The following ROBO1 variants were observed in gnomAD, a reference collection of about 807,000 sequenced individuals.
The protein encoded by ROBO1 is roundabout homolog 1.
In ROBO1, 149 loss-of-function variants were observed where a neutral mutation model predicts 195.9. The observed-to-expected ratio is 0.76, with a 90% CI of 0.67 to 0.87. The LOEUF is 0.87. Ranked by LOEUF, ROBO1 falls within the 40% of genes least tolerant of loss-of-function variation. The probability of loss-of-function intolerance (pLI) is 0.00; values close to 1 mark genes in which losing one functional copy is unlikely to be tolerated. For synonymous variants in ROBO1, 816 were observed against 733.2 expected, an observed-to-expected ratio of 1.11 and a Z score of -1.82; for missense variants, 1,933 against 2,068.3, an observed-to-expected ratio of 0.93 and a Z score of 1.27.
At chr3:79,008,123 G>A (rs896746537) in intron 3 of ROBO1, among the ~76,000 whole-genome samples, 17 of 152,108 alleles carry the variant, frequency 1.1e-4, no homozygotes, top group African/African-American at 4.1e-4. Context: ...TCCTGACTAA[G>A]TTAAATCCCC....
Position 78,668,311 on chromosome 3 carries a change from C to G in ROBO1, c.1631-9G>C. On this transcript the variant is annotated splice_polypyrimidine_tract_variant and intron_variant, in intron 12 of 30. Transcript: ENST00000464233. Reference sequence around the variant, plus strand: ...AACTGGAACTCCAAATTCTAAAAAGCAGGAAAAAGGCCAAAATAAAAGATG... The same window carrying G: ...AACTGGAACTCCAAATTCTAAAAAGGAGGAAAAAGGCCAAAATAAAAGATG... 6.2e-7 allele frequency: 1 copy of G among 1,611,266 alleles called. No homozygotes were observed.
At chr3:79,317,839 C>T (rs563780207) in intron 2 of ROBO1, among the ~76,000 whole-genome samples, 1 of 152,186 alleles carries the variant, frequency 6.6e-6, no homozygotes, top group African/African-American at 2.4e-5. Flanking sequence ...CATACATCTC[C>T]TTACAGATCT....
chr3:78,746,036 T>C (rs565704026), intron 5 of ROBO1, among the ~76,000 whole-genome samples: 12 of 152,300 alleles, frequency 7.9e-5, no homozygotes, highest in African/African-American at 2.6e-4. Context: ...AAGGGAAATA[T>C]TGAGCAACCA....
chr3:79,236,703 G>T (rs74282330), intron 2 of ROBO1, among the ~76,000 whole-genome samples: 1 of 152,086 alleles, frequency 6.6e-6, no homozygotes, highest in Non-Finnish European at 1.5e-5. Context: ...GAAAACACAG[G>T]CTCTGTGGTA....
rs549337326 is a variant in ROBO1 at position 79,163,555 on chromosome 3, T to C, written c.89-38016A>G. ...TTGGGTCTATACCCAAAAGTGGAAT[T>C]GGTGCATCATATGGTAATTCTATTT... On this transcript the variant is annotated intron_variant, in intron 2 of 30. Coordinates refer to ENST00000464233, the MANE Select transcript of ROBO1 (RefSeq NM_002941.4). Among the ~76,000 whole-genome samples, 5 of 152,254 alleles carry C rather than the reference T, an allele frequency of 3.3e-5. No homozygotes were observed. The East Asian group carries it at 5.8e-4, about 18-fold the overall frequency.
intron 1 of ROBO1, among the ~76,000 whole-genome samples, chr3:79,650,694 G>A (rs929987260): frequency 8.6e-5 from 13 of 151,600 alleles, no homozygotes; most frequent in African/African-American, 3.1e-4. Context: ...AAATAAATTA[G>A]AGCTCAATGG....
chr3:79,643,172 T>C (rs889038173), intron 1 of ROBO1, among the ~76,000 whole-genome samples: 2 of 152,176 alleles, frequency 1.3e-5, no homozygotes, highest in African/African-American at 4.8e-5. Flanking sequence ...TATGGGATGC[T>C]TCCTGCCCTC....
At chr3:78,631,801 C>T (rs547648512) in intron 24 of ROBO1, among the ~76,000 whole-genome samples, 1 of 152,092 alleles carries the variant, frequency 6.6e-6, no homozygotes, top group East Asian at 1.9e-4. Context: ...AAGGCAAGTA[C>T]AGATGAAATA....
At chr3:78,711,398 C>CTTTCTTTCTTT (rs1491176844) in intron 8 of ROBO1, among the ~76,000 whole-genome samples, 1 of 39,954 alleles carries the variant, frequency 2.5e-5, no homozygotes, top group Non-Finnish European at 6.0e-5. Context: ...TTCCTTCCTT[C>CTTTCTTTCTTT]CTTTCTTTCT....
intron 3 of ROBO1, among the ~76,000 whole-genome samples, chr3:79,108,311 T>C (rs1393022171): frequency 1.1e-4 from 16 of 151,794 alleles, no homozygotes. Context: ...AAGGTGACTC[T>C]ATATTAACTT....
chr3:78,975,985 G>A (rs544105761), intron 3 of ROBO1, among the ~76,000 whole-genome samples: 10 of 152,194 alleles, frequency 6.6e-5, no homozygotes, highest in East Asian at 1.9e-4. Flanking sequence ...ACAGCATAAC[G>A]TAAAAGTCAG....
intron 1 of ROBO1, among the ~76,000 whole-genome samples, chr3:79,607,094 TGCACAC>T (rs1410832621): frequency 2.5e-5 from 1 of 40,418 alleles, no homozygotes; most frequent in Non-Finnish European, 4.4e-5. Context: ...TATTAAAACC[TGCACAC>T]ACACACACAC....
intron 1 of ROBO1, among the ~76,000 whole-genome samples, chr3:79,669,163 T>C (rs1405540677): frequency 6.6e-6 from 1 of 151,880 alleles, no homozygotes; most frequent in Non-Finnish European, 1.5e-5. Flanking sequence ...TTTCCCATGC[T>C]GTTCTCATGA....
At chr3:78,790,004 C>G (rs943138708) in intron 4 of ROBO1, among the ~76,000 whole-genome samples, 1 of 152,142 alleles carries the variant, frequency 6.6e-6, no homozygotes, top group Non-Finnish European at 1.5e-5. Flanking sequence ...TTTAAAAGAT[C>G]TTTTATAATA....
At chr3:79,212,066 C>T (rs559629906) in intron 2 of ROBO1, among the ~76,000 whole-genome samples, 2 of 152,326 alleles carry the variant, frequency 1.3e-5, no homozygotes, top group African/African-American at 4.8e-5. Context: ...AGGAGCATGT[C>T]CTTAAGGCAC....
At chr3:78,729,659 C>T (rs1257841547) in intron 5 of ROBO1, among the ~76,000 whole-genome samples, 2 of 152,088 alleles carry the variant, frequency 1.3e-5, no homozygotes, top group African/African-American at 4.8e-5. Context: ...GCAGATTTCC[C>T]CAGGTGTCTG....
At chr3:79,570,034 A>G (rs1943228119) in intron 2 of ROBO1, among the ~76,000 whole-genome samples, 1 of 152,046 alleles carries the variant, frequency 6.6e-6, no homozygotes, top group Non-Finnish European at 1.5e-5. Context: ...CCAGGAGGTC[A>G]AGGCTGCAGT....
chr3:79,080,299 T>C (rs1479091791), intron 3 of ROBO1, among the ~76,000 whole-genome samples: 1 of 151,934 alleles, frequency 6.6e-6, no homozygotes, highest in African/African-American at 2.4e-5. Flanking sequence ...AATTCACTAC[T>C]CATAGTACTG....
At chr3:79,402,424 A>C (rs2037400389) in intron 2 of ROBO1, among the ~76,000 whole-genome samples, 1 of 152,010 alleles carries the variant, frequency 6.6e-6, no homozygotes, top group Non-Finnish European at 1.5e-5. Flanking sequence ...AGAAACAGCT[A>C]TCTTCCTGTT....
Sources: allele counts gnomAD v4.1 joint callset (sites outside exome capture counted in the v4.1 genomes callset), GRCh38; gene constraint gnomAD v4.1.1; transcripts MANE v1.5; gene names NCBI Gene and HGNC (gene_info 2026-07-23, HGNC 2026-07-21).